Variants in PPL observed in about 807,000 individuals in gnomAD.
The protein encoded by PPL is periplakin, also known as 190 kDa paraneoplastic pemphigus antigen.
Under a neutral mutation model 194.4 loss-of-function variants are expected in PPL, and 198 were observed. That is an observed-to-expected ratio of 1.02 (90% CI 0.91 to 1.15). The LOEUF (loss-of-function observed/expected upper bound fraction) is 1.15. Among genes scored for constraint, PPL ranks in the 50% most tolerant of loss-of-function variants. The pLI is 0.00. For synonymous variants in PPL, 1,220 were observed against 972.4 expected, an observed-to-expected ratio of 1.25 and a Z score of -4.74; for missense variants, 2,885 against 2,294.8, an observed-to-expected ratio of 1.26 and a Z score of -5.25.
At chr16:4,932,101 G>T (rs111857028) in intron 1 of PPL, among the ~76,000 whole-genome samples, 1 of 152,226 alleles carries the variant, frequency 6.6e-6, no homozygotes, top group African/African-American at 2.4e-5. Context: ...TGCTTCCCCA[G>T]GCCCCCCTGG....
intron 16 of PPL, among the ~76,000 whole-genome samples, 182 bp from the exon 17 acceptor site, chr16:4,891,103 T>A (rs901379658): frequency 2.6e-5 from 4 of 152,242 alleles, no homozygotes; most frequent in Non-Finnish European, 5.9e-5. Flanking sequence ...TTCTGTTTTT[T>A]AACAATGAAC....
At chr16:4,935,609 T>C (rs973267582) in intron 1 of PPL, among the ~76,000 whole-genome samples, 3 of 151,574 alleles carry the variant, frequency 2.0e-5, no homozygotes, top group African/African-American at 7.3e-5. Context: ...AGGCGGGTAA[T>C]GCCTCTGAGC....
chr16:4,903,492 G>A (rs1008026628), intron 3 of PPL, among the ~76,000 whole-genome samples: 7 of 152,158 alleles, frequency 4.6e-5, no homozygotes, highest in Non-Finnish European at 2.9e-5. Flanking sequence ...GGTCGAGGCA[G>A]GCGGATCACC....
chr16:4,930,573 G>T (rs960411323), intron 1 of PPL, among the ~76,000 whole-genome samples: 1 of 152,188 alleles, frequency 6.6e-6, no homozygotes, highest in Non-Finnish European at 1.5e-5. Context: ...TAGCACCAGT[G>T]TCTGGGGGAA....
At chr16:4,887,533 T>TA (rs1202386722) in intron 20 of PPL, among the ~76,000 whole-genome samples, 1 of 152,210 alleles carries the variant, frequency 6.6e-6, no homozygotes, top group African/African-American at 2.4e-5. Context: ...CCACTGTACT[T>TA]ACTGAGGTGA....
rs146363267 is a variant in PPL at position 4,895,657 on chromosome 16, G to T, written c.1032C>A (p.Asn344Lys). The change falls in exon 10 of 22, where the codon AAC becomes AAA. Residue 344 changes from asparagine (N) to lysine (K), a missense_variant. Physicochemically the swap from Asn to Lys is moderately conservative, Grantham distance 94. Transcript: ENST00000345988. ...ELLRKVDSDL[N>K]QKYGPDFKDR... is the part of the protein sequence containing the mutation. ...CCTTGAAGTCAGGGCCATACTTCTG[G>T]TTCAGGTCCGAGTCCACCTTGCGCA... The T allele has an allele frequency of 6.5e-4, 1,045 of 1,614,030 alleles. 10 individuals carry two copies. In the African/African-American group the frequency reaches 0.013, roughly 20 times the overall value.
At chr16:4,934,088 G>A (rs886754501) in intron 1 of PPL, among the ~76,000 whole-genome samples, 1 of 152,226 alleles carries the variant, frequency 6.6e-6, no homozygotes, top group African/African-American at 2.4e-5. Flanking sequence ...GAGGGTGGCA[G>A]CGGGTCTCCT....
chr16:4,900,296 C>G (rs967146932), intron 6 of PPL, among the ~76,000 whole-genome samples: 1 of 152,054 alleles, frequency 6.6e-6, no homozygotes, highest in African/African-American at 2.4e-5. Flanking sequence ...AAGAAATGAG[C>G]AGGACAGGCT....
intron 3 of PPL, 86 bp downstream of exon 3, chr16:4,903,800 C>T (rs529871781): frequency 5.6e-5 from 85 of 1,515,172 alleles, no homozygotes; most frequent in Non-Finnish European, 6.7e-5. Flanking sequence ...ACCCCTGACT[C>T]GGGCTCCCAA....
At chr16:4,896,601 T>A (rs940421198) in intron 9 of PPL, among the ~76,000 whole-genome samples, 2 of 146,938 alleles carry the variant, frequency 1.4e-5, no homozygotes, top group Non-Finnish European at 3.0e-5. Context: ...GCTGGGGGAG[T>A]GGGAATGGAA....
chr16:4,889,693 C>T (rs531278695), intron 18 of PPL, among the ~76,000 whole-genome samples: 1 of 152,138 alleles, frequency 6.6e-6, no homozygotes, highest in Non-Finnish European at 1.5e-5. Flanking sequence ...AATCTTCAAA[C>T]GATGCCAGGA....
intron 1 of PPL, among the ~76,000 whole-genome samples, chr16:4,936,082 T>C (rs2089294421): frequency 6.6e-6 from 1 of 152,108 alleles, no homozygotes; most frequent in East Asian, 1.9e-4. Flanking sequence ...AACCGGTTAT[T>C]AAGTGAACAC....
At chr16:4,924,407 G>A (rs2089117035) in intron 1 of PPL, among the ~76,000 whole-genome samples, 1 of 152,154 alleles carries the variant, frequency 6.6e-6, no homozygotes, top group Non-Finnish European at 1.5e-5. Flanking sequence ...TGATTCTGGG[G>A]CACCCGGACC....
intron 1 of PPL, among the ~76,000 whole-genome samples, chr16:4,933,614 G>A (rs1451643305): frequency 1.3e-5 from 2 of 152,158 alleles, no homozygotes; most frequent in African/African-American, 4.8e-5. Flanking sequence ...TGAGTGGCCA[G>A]GGTGGAGACC....
At position 4,890,286 on chromosome 16, in the gene PPL, G is replaced by A. The variant is rs146862092; in HGVS notation, c.2211C>T (p.Arg737=). The part of the protein sequence containing the change: ...SAKAAYEHFH[R]GHDHVLQFLV... ...GGAACTGCAGCACGTGGTCATGGCC[G>A]CGGTGGAAGTGCTCGTAGGCTGCCT... is the stretch of plus-strand genomic sequence containing the variant. Residue 737 remains arginine, a synonymous_variant, in exon 18 of 22, where the codon CGC becomes CGT. Coordinates refer to ENST00000345988, the MANE Select transcript of PPL (RefSeq NM_002705.5). 83 of 1,614,168 alleles carry A rather than the reference G, an allele frequency of 5.1e-5. No homozygotes were observed. Among genetic ancestry groups the A allele is most frequent in the South Asian group, 7.7e-5 (7 of 91,086 alleles).
At position 4,910,416 on chromosome 16, in the gene PPL, G is replaced by T. The variant is rs537886505; in HGVS notation, c.162+434C>A. On this transcript the variant is annotated intron_variant, in intron 2 of 21. Transcript: ENST00000345988. ...TAGAGAGAATCTCGTTCATGGGGAG[G>T]TGGGATGGCTCACTTGTCCAAGGTC... Among the ~76,000 whole-genome samples the T allele has an allele frequency of 2.6e-5, 4 of 152,290 alleles. No individual in the cohort carries two copies. The East Asian group carries it at 7.7e-4, about 29-fold the overall frequency.
intron 1 of PPL, among the ~76,000 whole-genome samples, chr16:4,933,741 C>A (rs570545239): frequency 1.3e-5 from 2 of 152,294 alleles, no homozygotes; most frequent in South Asian, 4.1e-4. Context: ...TGACTGCCAG[C>A]GACTCAAGTG....
At chr16:4,894,910 G>A (rs1244354472) in intron 11 of PPL, among the ~76,000 whole-genome samples, 1 of 152,210 alleles carries the variant, frequency 6.6e-6, no homozygotes, top group East Asian at 1.9e-4. Context: ...CCTGGCCAAT[G>A]ACTGGCATTC....
chr16:4,885,680 T>G lies in PPL; in HGVS notation c.2975A>C (p.Tyr992Ser). ...EQETRDGGQE[Y>S]VVKEVLRIEP... ...GATGCGCAGGACCTCCTTGACCACG[T>G]ACTCCTGCCCCCCGTCTCTGGTCTC... The change falls in exon 22 of 22, where the codon TAC becomes TCC. Residue 992 changes from tyrosine (Y) to serine (S), a missense_variant. Transcript: ENST00000345988. The surrounding 1 kb of genome is among the most constrained non-coding windows in gnomAD (Gnocchi z 6.3). The G allele has an allele frequency of 6.2e-7, 1 of 1,613,136 alleles. No homozygotes were observed. Among genetic ancestry groups the G allele is most frequent in the African/African-American group, 1.3e-5 (1 of 74,748 alleles).
Sources: gnomAD v4.1 joint callset for allele counts (sites outside exome capture counted in the v4.1 genomes callset) on GRCh38, gnomAD v4.1.1 for gene constraint, Gnocchi (gnomAD v3.1) non-coding constraint, MANE v1.5 for transcripts, NCBI Gene and HGNC (gene_info 2026-07-23, HGNC 2026-07-21) for gene names.